Variants in LIPC observed in about 807,000 individuals in gnomAD.
LIPC encodes lipase C, hepatic type, also known as hepatic triacylglycerol lipase.
In LIPC, 44 loss-of-function variants were observed where a neutral mutation model predicts 50.7. The observed-to-expected ratio is 0.87, with a 90% CI of 0.68 to 1.11. LIPC has a LOEUF of 1.11. LIPC is among the 50% of genes most tolerant of loss of function. The pLI is 0.00. For synonymous variants in LIPC, 271 were observed against 256.4 expected, an observed-to-expected ratio of 1.06 and a Z score of -0.54; for missense variants, 697 against 648.2, an observed-to-expected ratio of 1.08 and a Z score of -0.82.
At chr15:58,501,932 T>C (rs144752772) in intron 1 of LIPC, among the ~76,000 whole-genome samples, 1 of 152,298 alleles carries the variant, frequency 6.6e-6, no homozygotes, top group East Asian at 1.9e-4. Flanking sequence ...ACATCTGTTA[T>C]GTCTCTTGAT....
At chr15:58,464,071 AT>A (rs1270625105) in intron 1 of LIPC, among the ~76,000 whole-genome samples, 8 of 151,726 alleles carry the variant, frequency 5.3e-5, no homozygotes, top group East Asian at 1.9e-4. Flanking sequence ...CAAAGCTTTC[AT>A]TTTTTTTGAA....
intron 1 of LIPC, among the ~76,000 whole-genome samples, chr15:58,519,426 A>G (rs1268318068): frequency 2.1e-5 from 3 of 144,600 alleles, no homozygotes; most frequent in South Asian, 2.3e-4. Context: ...AAAAAAAAAG[A>G]AAAAAAAGAA....
intron 4 of LIPC, among the ~76,000 whole-genome samples, chr15:58,543,666 C>T (rs1172329861): frequency 6.6e-6 from 1 of 151,966 alleles, no homozygotes; most frequent in African/African-American, 2.4e-5. Flanking sequence ...GACGGAGTTT[C>T]GCTCTTGTTG....
chr15:58,444,270 G>A (rs1893609230), intron 1 of LIPC, among the ~76,000 whole-genome samples: 1 of 152,190 alleles, frequency 6.6e-6, no homozygotes, highest in African/African-American at 2.4e-5. Flanking sequence ...CTGCAAGAAG[G>A]CACTCGTGAG....
chr15:58,434,165 C>A (rs1236935056), intron 1 of LIPC, among the ~76,000 whole-genome samples: 1 of 151,942 alleles, frequency 6.6e-6, no homozygotes, highest in African/African-American at 2.4e-5. Flanking sequence ...CTACAATGCA[C>A]AGGACAGCCC....
chr15:58,447,691 T>A (rs549219648), intron 1 of LIPC, among the ~76,000 whole-genome samples: 1 of 152,346 alleles, frequency 6.6e-6, no homozygotes, highest in South Asian at 2.1e-4. Flanking sequence ...GAGAGCTTGA[T>A]ACAATGAATG....
chr15:58,527,430 T>C (rs1350315311), intron 1 of LIPC, among the ~76,000 whole-genome samples: 1 of 152,118 alleles, frequency 6.6e-6, no homozygotes, highest in African/African-American at 2.4e-5. Context: ...GGTGACCATA[T>C]TGGCCACACA....
chr15:58,530,678 C>T (rs1371689406), intron 1 of LIPC, among the ~76,000 whole-genome samples: 1 of 152,236 alleles, frequency 6.6e-6, no homozygotes, highest in Non-Finnish European at 1.5e-5. Flanking sequence ...CCACCCCATT[C>T]CCTGGACCCA....
At chr15:58,477,592 G>A (rs978458340) in intron 1 of LIPC, among the ~76,000 whole-genome samples, 12 of 152,204 alleles carry the variant, frequency 7.9e-5, no homozygotes, top group African/African-American at 2.4e-4. Flanking sequence ...TAATTGGAGC[G>A]CTTCTCCCTT....
chr15:58,533,961 A>G (rs1893036442), intron 1 of LIPC, among the ~76,000 whole-genome samples: 1 of 152,202 alleles, frequency 6.6e-6, no homozygotes, highest in Non-Finnish European at 1.5e-5. Context: ...AAAAAAGGCT[A>G]AGGACATACA....
intron 1 of LIPC, among the ~76,000 whole-genome samples, chr15:58,536,082 G>T (rs763079617): frequency 6.6e-6 from 1 of 152,164 alleles, no homozygotes; most frequent in Non-Finnish European, 1.5e-5. Context: ...AAATCACCCC[G>T]CTGCAGGGCA....
chr15:58,448,450 C>A (rs1893779035), intron 1 of LIPC, among the ~76,000 whole-genome samples: 1 of 152,242 alleles, frequency 6.6e-6, no homozygotes, highest in South Asian at 2.1e-4. Flanking sequence ...ACATACTCTG[C>A]ATCAAACCTG....
intron 1 of LIPC, among the ~76,000 whole-genome samples, chr15:58,444,449 C>T (rs1238668349): frequency 6.6e-6 from 1 of 152,162 alleles, no homozygotes; most frequent in African/African-American, 2.4e-5. Context: ...TAGCAGTCTG[C>T]CAGGACTGCC....
At chr15:58,491,186 T>C (rs1595892786) in intron 1 of LIPC, among the ~76,000 whole-genome samples, 1 of 152,122 alleles carries the variant, frequency 6.6e-6, no homozygotes, top group East Asian at 1.9e-4. Flanking sequence ...CAAAGAAAGC[T>C]CTAGAGCTAG....
At chr15:58,559,709 A>AC (rs2140949121) in intron 6 of LIPC, among the ~76,000 whole-genome samples, 1 of 151,980 alleles carries the variant, frequency 6.6e-6, no homozygotes, top group African/African-American at 2.4e-5. Flanking sequence ...TCTCAAAAAA[A>AC]AAAAAAAAAA....
At chr15:58,517,684 C>A (rs181179038) in intron 1 of LIPC, among the ~76,000 whole-genome samples, 2 of 152,216 alleles carry the variant, frequency 1.3e-5, no homozygotes, top group Non-Finnish European at 2.9e-5. Flanking sequence ...GCAACAGAAA[C>A]CCTGCCGAAA....
intron 1 of LIPC, among the ~76,000 whole-genome samples, chr15:58,525,602 T>G (rs1175194941): frequency 1.3e-5 from 2 of 152,208 alleles, no homozygotes. Context: ...AGAGTCCCAG[T>G]AGGCCATGTC....
At chr15:58,439,627 A>G (rs570298113) in intron 1 of LIPC, among the ~76,000 whole-genome samples, 1 of 152,320 alleles carries the variant, frequency 6.6e-6, no homozygotes, top group East Asian at 1.9e-4. Context: ...TACTTTTAGT[A>G]GAGATGGGGT....
At chr15:58,557,530 A>G (rs1248261520) in intron 6 of LIPC, among the ~76,000 whole-genome samples, 4 of 151,650 alleles carry the variant, frequency 2.6e-5, no homozygotes, top group Non-Finnish European at 5.9e-5. Context: ...GACTACAGGC[A>G]CCCACCACCA....
Sources: gnomAD v4.1 joint callset for allele counts (sites outside exome capture counted in the v4.1 genomes callset) on GRCh38, gnomAD v4.1.1 for gene constraint, MANE v1.5 for transcripts, NCBI Gene and HGNC (gene_info 2026-07-23, HGNC 2026-07-21) for gene names.